The following NOL4L variants were observed in gnomAD, a reference collection of about 807,000 sequenced individuals.
NOL4L encodes the protein nucleolar protein 4-like.
In NOL4L, 7 loss-of-function variants were observed where a neutral mutation model predicts 64.5. The observed-to-expected ratio is 0.11, with a 90% CI of 0.06 to 0.20. NOL4L has a LOEUF of 0.20. Among genes scored for constraint, NOL4L ranks in the 10% least tolerant of loss-of-function variants. The pLI is 1.00. For missense variants in NOL4L, 680 were observed against 967.1 expected (o/e 0.70, Z 3.94); for synonymous variants, 413 against 401.0 (o/e 1.03, Z -0.36).
At chr20:32,511,296 C>G (rs939499711) in intron 4 of NOL4L, 51 bp downstream of exon 4, 2 of 1,186,292 alleles carry the variant, frequency 1.7e-6, no homozygotes, top group East Asian at 2.6e-5. Flanking sequence ...CAACCACCGC[C>G]AGGCAAGTCA....
At chr20:32,517,162 T>A (rs1204675778) in intron 3 of NOL4L, among the ~76,000 whole-genome samples, 1 of 152,178 alleles carries the variant, frequency 6.6e-6, no homozygotes, top group Non-Finnish European at 1.5e-5. Flanking sequence ...CCCACTCTGC[T>A]GGGGAGAGAC....
chr20:32,474,946 A>G (rs2015289328), intron 4 of NOL4L: 6 of 985,426 alleles, frequency 6.1e-6, no homozygotes, highest in Non-Finnish European at 7.2e-6. Context: ...GTCGGAAGCC[A>G]AGGCTAAGGG....
intron 1 of NOL4L, among the ~76,000 whole-genome samples, chr20:32,545,071 G>A (rs938114772): frequency 6.6e-6 from 1 of 152,114 alleles, no homozygotes; most frequent in East Asian, 1.9e-4. Context: ...TGTATCTGGG[G>A]GAACCTACAG....
At chr20:32,527,474 A>G (rs1204283121) in intron 2 of NOL4L, among the ~76,000 whole-genome samples, 1 of 152,044 alleles carries the variant, frequency 6.6e-6, no homozygotes, top group Non-Finnish European at 1.5e-5. Flanking sequence ...GTGAAGCAGA[A>G]ACGGGGAAGA....
chr20:32,456,269 T>C lies in NOL4L; in HGVS notation c.968A>G (p.Asp323Gly). The C allele has an allele frequency of 1.3e-6, 2 of 1,596,034 alleles. No individual in the cohort carries two copies. Among genetic ancestry groups the C allele is most frequent in the Non-Finnish European group, 1.7e-6 (2 of 1,171,598 alleles). Residue 323 changes from aspartate (D) to glycine (G), a missense_variant, in exon 6 of 11, where the codon GAC (aspartate) becomes GGC (glycine). Asp to Gly is a moderately conservative substitution (Grantham distance 94). Coordinates refer to ENST00000621426, the MANE Select transcript of NOL4L (RefSeq NM_001256798.2). ...MNGNGAVAPM[D>G]FTTAAEDQPI... ...CTGATCCTCGGCGGCCGTGGTGAAG[T>C]CCATGGGGGCCACGGCGCCGTTGCC...
chr20:32,552,618 C>T (rs1283248723), intron 1 of NOL4L, among the ~76,000 whole-genome samples: 1 of 151,786 alleles, frequency 6.6e-6, no homozygotes, highest in Non-Finnish European at 1.5e-5. Context: ...ACCTGGGAGG[C>T]GGAGGTTGCA....
intron 4 of NOL4L, chr20:32,475,108 T>A: frequency 1.0e-6 from 1 of 985,416 alleles, no homozygotes; most frequent in Non-Finnish European, 1.2e-6. Context: ...GGACCGGGGC[T>A]CACTCTGCAC....
chr20:32,510,401 G>C (rs561455192), intron 4 of NOL4L: 1 of 204,078 alleles, frequency 4.9e-6, no homozygotes, highest in African/African-American at 2.3e-5. Flanking sequence ...CCACCTGCAC[G>C]TGTCCTGCTA....
At chr20:32,468,428 C>T (rs1009658975) in intron 5 of NOL4L, among the ~76,000 whole-genome samples, 1 of 152,152 alleles carries the variant, frequency 6.6e-6, no homozygotes, top group Non-Finnish European at 1.5e-5. Context: ...CCCAGCTTCC[C>T]AGGCCACCTC....
intron 1 of NOL4L, chr20:32,548,625 C>T (rs1199307437): frequency 2.8e-5 from 8 of 285,156 alleles, no homozygotes; most frequent in Admixed American, 1.0e-4. Context: ...GAATGGCTCA[C>T]GTTCTAGACA....
At chr20:32,488,871 CTTT>C (rs2016320993) in intron 4 of NOL4L, among the ~76,000 whole-genome samples, 3 of 83,928 alleles carry the variant, frequency 3.6e-5, no homozygotes, top group Admixed American at 1.3e-4. Context: ...TTCTTTCTTT[CTTT>C]CTTTCTTTCT....
intron 1 of NOL4L, among the ~76,000 whole-genome samples, chr20:32,562,207 C>G (rs1200403836): frequency 1.3e-5 from 2 of 152,154 alleles, no homozygotes; most frequent in African/African-American, 2.4e-5. Context: ...TGGCATTTGC[C>G]TAGTGACACT....
At chr20:32,459,859 G>A (rs183106817) in intron 5 of NOL4L, among the ~76,000 whole-genome samples, 3 of 152,240 alleles carry the variant, frequency 2.0e-5, no homozygotes, top group South Asian at 2.1e-4. Flanking sequence ...TAAAAACTTC[G>A]ACAAGTAAAT....
At chr20:32,477,456 T>A (rs2015464575) in intron 4 of NOL4L, among the ~76,000 whole-genome samples, 2 of 152,238 alleles carry the variant, frequency 1.3e-5, no homozygotes, top group South Asian at 4.1e-4. Context: ...TATCCAGCTG[T>A]CACTGTCTTG....
At chr20:32,491,873 T>TG (rs1477583250) in intron 4 of NOL4L, among the ~76,000 whole-genome samples, 1 of 152,120 alleles carries the variant, frequency 6.6e-6, no homozygotes, top group Non-Finnish European at 1.5e-5. Context: ...CCCAGCACTT[T>TG]GGGAGGCTGA....
intron 1 of NOL4L, among the ~76,000 whole-genome samples, chr20:32,551,370 G>A (rs1044661147): frequency 2.2e-5 from 3 of 137,428 alleles, no homozygotes; most frequent in South Asian, 2.3e-4. Flanking sequence ...CGTGAGACTC[G>A]GTCTCAAAAT....
chr20:32,463,179 G>A lies in NOL4L; in HGVS notation c.842-6784C>T, dbSNP rs965592042. Among the ~76,000 whole-genome samples the A allele has an allele frequency of 1.3e-5, 2 of 152,234 alleles. No individual in the cohort carries two copies. The highest frequency in any genetic ancestry group is 4.8e-5 in the African/African-American group (2 of 41,470). ...AGCCCCAGCACACAGGCCTCACGGG[G>A]TGCAGGCCTCCAGCTGGGAGGCTCA... On this transcript the variant is annotated intron_variant, in intron 5 of 10. Coordinates refer to ENST00000621426, the MANE Select transcript of NOL4L (RefSeq NM_001256798.2). This position sits in a 1 kb window ranked among gnomAD's most constrained non-coding sequence, Gnocchi z 5.8.
intron 1 of NOL4L, among the ~76,000 whole-genome samples, chr20:32,561,965 G>C (rs556039251): frequency 5.3e-5 from 8 of 152,108 alleles, no homozygotes; most frequent in African/African-American, 1.9e-4. Flanking sequence ...CTCCAGCCTG[G>C]GTGACAGAGT....
chr20:32,501,431 ATGT>A (rs1204091413), intron 4 of NOL4L, among the ~76,000 whole-genome samples: 1 of 152,376 alleles, frequency 6.6e-6, no homozygotes, highest in East Asian at 1.9e-4. Context: ...TGAAAATTAA[ATGT>A]TGTATCCTGG....
Sources: gnomAD v4.1 joint callset for allele counts (sites outside exome capture counted in the v4.1 genomes callset) on GRCh38, gnomAD v4.1.1 for gene constraint, Gnocchi (gnomAD v3.1) non-coding constraint, MANE v1.5 for transcripts, NCBI Gene and HGNC (gene_info 2026-07-23, HGNC 2026-07-21) for gene names.